GALNT17: variants seen among roughly 807,000 people sequenced by gnomAD.
GALNT17 encodes the protein polypeptide N-acetylgalactosaminyltransferase 17.
A neutral mutation model predicts 63.7 loss-of-function variants in GALNT17; 29 were observed. That is an observed-to-expected ratio of 0.46 (90% CI 0.34 to 0.62). GALNT17 has a LOEUF of 0.62. Ranked by LOEUF, GALNT17 falls within the 20% of genes least tolerant of loss-of-function variation. The probability of loss-of-function intolerance (pLI) is 0.01; values close to 1 mark genes in which losing one functional copy is unlikely to be tolerated. For missense variants in GALNT17, 603 were observed against 799.6 expected (o/e 0.75, Z 2.97); for synonymous variants, 305 against 318.3 (o/e 0.96, Z 0.45).
intron 5 of GALNT17, among the ~76,000 whole-genome samples, chr7:71,534,490 T>G (rs1306172959): frequency 6.6e-6 from 1 of 150,940 alleles, no homozygotes; most frequent in Non-Finnish European, 1.5e-5. Flanking sequence ...TCCCAGCTAC[T>G]CGGGAGGCTG....
intron 5 of GALNT17, among the ~76,000 whole-genome samples, chr7:71,478,752 A>G (rs922039841): frequency 1.3e-5 from 2 of 152,128 alleles, no homozygotes; most frequent in African/African-American, 4.8e-5. Flanking sequence ...CTGTGAAGAT[A>G]GGGGTAGGAG....
chr7:71,670,566 C>T (rs1296348850), intron 8 of GALNT17, among the ~76,000 whole-genome samples: 1 of 152,026 alleles, frequency 6.6e-6, no homozygotes, highest in Non-Finnish European at 1.5e-5. Context: ...GAAAGCAAAG[C>T]GATTTTTCTC....
intron 9 of GALNT17, among the ~76,000 whole-genome samples, chr7:71,686,500 C>G (rs940930343): frequency 1.3e-5 from 2 of 152,088 alleles, no homozygotes; most frequent in Non-Finnish European, 2.9e-5. Context: ...GCTGCCTTAG[C>G]CTCCTGAGTA....
At chr7:71,471,209 TG>T (rs1787621995) in intron 5 of GALNT17, among the ~76,000 whole-genome samples, 1 of 152,024 alleles carries the variant, frequency 6.6e-6, no homozygotes, top group Non-Finnish European at 1.5e-5. Context: ...CCCAAGTAGC[TG>T]GGACTACAGA....
At chr7:71,150,977 C>CAA (rs34934868) in intron 1 of GALNT17, among the ~76,000 whole-genome samples, 9 of 103,028 alleles carry the variant, frequency 8.7e-5, no homozygotes, top group East Asian at 3.9e-4. Flanking sequence ...ACCCTGACTT[C>CAA]AAAAAAAAAA....
In GALNT17 at chr7:71,395,402, C is replaced by T. The variant is rs555550798; in HGVS notation, c.589+7001C>T. Among the ~76,000 whole-genome samples the T allele has an allele frequency of 7.2e-5, 11 of 152,270 alleles. No homozygotes were observed. The South Asian group carries it at 2.3e-3, about 32-fold the overall frequency. On this transcript the variant is annotated intron_variant, in intron 3 of 10. Transcript: ENST00000333538. ...TTTTCAAGGTTCAACCAAATTGTGG[C>T]ATATATAAGTACTTCATTCTTTTTA... is the stretch of plus-strand genomic sequence containing the variant.
intron 9 of GALNT17, among the ~76,000 whole-genome samples, chr7:71,691,508 A>G (rs1459320862): frequency 6.6e-6 from 1 of 152,198 alleles, no homozygotes; most frequent in Non-Finnish European, 1.5e-5. Flanking sequence ...GATTTTGCCT[A>G]AGGAAGACTC....
chr7:71,274,955 G>A (rs1291803362), intron 1 of GALNT17, among the ~76,000 whole-genome samples: 2 of 152,186 alleles, frequency 1.3e-5, no homozygotes, highest in Non-Finnish European at 2.9e-5. Flanking sequence ...CTGGGGGGTC[G>A]AAAGGGGAGC....
intron 5 of GALNT17, among the ~76,000 whole-genome samples, chr7:71,458,613 T>G (rs1208485321): frequency 6.6e-6 from 1 of 152,176 alleles, no homozygotes; most frequent in African/African-American, 2.4e-5. Flanking sequence ...AGGTCACACA[T>G]GGACTTGAAG....
At chr7:71,356,966 G>A (rs1792298297) in intron 2 of GALNT17, among the ~76,000 whole-genome samples, 1 of 151,910 alleles carries the variant, frequency 6.6e-6, no homozygotes, top group Non-Finnish European at 1.5e-5. Flanking sequence ...ATTTTTAGTA[G>A]AGACAGGGTT....
intron 2 of GALNT17, among the ~76,000 whole-genome samples, chr7:71,356,521 A>G (rs1344117386): frequency 2.0e-5 from 3 of 152,140 alleles, no homozygotes; most frequent in Non-Finnish European, 2.9e-5. Flanking sequence ...GCCAGCCTGC[A>G]GAGATTGCAT....
chr7:71,389,949 C>T (rs2116348644), intron 3 of GALNT17, among the ~76,000 whole-genome samples: 1 of 152,216 alleles, frequency 6.6e-6, no homozygotes, highest in South Asian at 2.1e-4. Context: ...AGATATTTAA[C>T]AGTTGGACAA....
At chr7:71,174,159 T>C (rs1423178754) in intron 1 of GALNT17, among the ~76,000 whole-genome samples, 1 of 152,184 alleles carries the variant, frequency 6.6e-6, no homozygotes, top group African/African-American at 2.4e-5. Context: ...CCATAGCCTC[T>C]CAGAGTGCTA....
At chr7:71,670,230 G>T (rs553990045) in intron 8 of GALNT17, 121 bp downstream of exon 8, 56 of 1,347,232 alleles carry the variant, frequency 4.2e-5, no homozygotes, top group Non-Finnish European at 5.4e-5. Flanking sequence ...GGAGGTGCTG[G>T]CCCTGATAGC....
intron 5 of GALNT17, among the ~76,000 whole-genome samples, chr7:71,443,626 C>G (rs1398805307): frequency 6.6e-6 from 1 of 152,172 alleles, no homozygotes; most frequent in African/African-American, 2.4e-5. Context: ...GCCTCAGGCC[C>G]TCACCAGGAG....
intron 1 of GALNT17, among the ~76,000 whole-genome samples, chr7:71,183,724 C>A (rs994403442): frequency 2.6e-5 from 4 of 152,108 alleles, no homozygotes; most frequent in East Asian, 1.9e-4. Context: ...TGGTGAAACC[C>A]CCACTGTACG....
chr7:71,256,640 C>T (rs1442638873), intron 1 of GALNT17, among the ~76,000 whole-genome samples: 5 of 152,314 alleles, frequency 3.3e-5, no homozygotes, highest in South Asian at 2.1e-4. Flanking sequence ...ACCTTGCGCA[C>T]GTGTTCTCAG....
chr7:71,158,752 T>C (rs1020714125), intron 1 of GALNT17, among the ~76,000 whole-genome samples: 1 of 151,636 alleles, frequency 6.6e-6, no homozygotes, highest in Non-Finnish European at 1.5e-5. Flanking sequence ...AATTTTTGTA[T>C]TTTTAGTAGA....
intron 9 of GALNT17, among the ~76,000 whole-genome samples, 177 bp downstream of exon 9, chr7:71,677,483 A>G (rs1374876881): frequency 2.0e-5 from 3 of 152,032 alleles, no homozygotes; most frequent in African/African-American, 4.8e-5. Flanking sequence ...GAAGCTAGGG[A>G]AAAAATTCAT....
Sources: allele counts gnomAD v4.1 joint callset (sites outside exome capture counted in the v4.1 genomes callset), GRCh38; gene constraint gnomAD v4.1.1; transcripts MANE v1.5; gene names NCBI Gene and HGNC (gene_info 2026-07-23, HGNC 2026-07-21).